Variants in ADAMTS9 observed in about 807,000 individuals in gnomAD.
ADAMTS9 encodes ADAM metallopeptidase with thrombospondin type 1 motif 9, also known as A disintegrin and metalloproteinase with thrombospondin motifs 9.
ADAMTS9 carries 107 observed loss-of-function variants against 257.1 expected under a neutral mutation model. The ratio of observed to expected loss-of-function variants is 0.42; its 90% confidence interval spans 0.36 to 0.49. The LOEUF (loss-of-function observed/expected upper bound fraction) is 0.49, where lower values mean the gene tolerates loss of function less well. ADAMTS9 is among the 20% of genes least tolerant of loss of function. The pLI, the probability that ADAMTS9 is intolerant of heterozygous loss-of-function variation, is 0.03. For synonymous variants in ADAMTS9, 982 were observed against 880.9 expected (o/e 1.11, Z -2.03); for missense variants, 2,353 against 2,469.1 (o/e 0.95, Z 1.00).
chr3:64,680,950 T>C (rs1252251028), intron 3 of ADAMTS9, among the ~76,000 whole-genome samples: 2 of 152,232 alleles, frequency 1.3e-5, no homozygotes, highest in Non-Finnish European at 2.9e-5. Context: ...ATAGAGGGCA[T>C]GGAGTCACTG....
At chr3:64,675,693 T>C (rs987029143) in intron 3 of ADAMTS9, among the ~76,000 whole-genome samples, 4 of 152,186 alleles carry the variant, frequency 2.6e-5, no homozygotes, top group African/African-American at 9.7e-5. Context: ...ATTTGGCCCA[T>C]AGTATAGCAC....
chr3:64,595,638 G>T lies in ADAMTS9; in HGVS notation c.4179+1192C>A, dbSNP rs567142355. On this transcript the variant is annotated intron_variant, in intron 27 of 39. Transcript: ENST00000498707. ...TTCCCTTTTCTTTCCCTTCAACAAA[G>T]CTCTCCAGAATGACATAACTGTCAA... is the stretch of plus-strand genomic sequence containing the variant. Among the ~76,000 whole-genome samples the T allele has an allele frequency of 2.6e-5, 4 of 152,190 alleles. 1 individual carries two copies. In the South Asian group the frequency reaches 8.3e-4, roughly 32 times the overall value.
intron 28 of ADAMTS9, among the ~76,000 whole-genome samples, chr3:64,581,942 T>C (rs113287169): frequency 3.4e-4 from 52 of 152,306 alleles, no homozygotes; most frequent in African/African-American, 1.3e-3. Context: ...CCTCTACCAA[T>C]AGATTTCTTC....
intron 2 of ADAMTS9, among the ~76,000 whole-genome samples, chr3:64,683,933 A>C (rs1033296259): frequency 6.6e-6 from 1 of 152,150 alleles, no homozygotes; most frequent in Admixed American, 6.5e-5. Flanking sequence ...GATGACATCA[A>C]CATGGGGAAC....
At chr3:64,653,061 A>C (rs1251987304) in intron 8 of ADAMTS9, among the ~76,000 whole-genome samples, 1 of 152,230 alleles carries the variant, frequency 6.6e-6, no homozygotes, top group African/African-American at 2.4e-5. Context: ...ATATTGCAAA[A>C]ATCTGAGACA....
At chr3:64,582,536 T>C (rs1480133270) in intron 28 of ADAMTS9, 1 of 152,164 alleles carries the variant, frequency 6.6e-6, no homozygotes, top group Admixed American at 6.5e-5. Flanking sequence ...AAAGAGAAAT[T>C]CTGCTGTGAG....
intron 28 of ADAMTS9, among the ~76,000 whole-genome samples, chr3:64,577,480 T>G (rs1022129781): frequency 2.6e-5 from 4 of 152,208 alleles, no homozygotes; most frequent in Admixed American, 1.3e-4. Context: ...ATGAAAGCCG[T>G]CTGGAAGACA....
At chr3:64,537,551 T>G (rs2083066485) in intron 37 of ADAMTS9, among the ~76,000 whole-genome samples, 1 of 152,060 alleles carries the variant, frequency 6.6e-6, no homozygotes, top group Non-Finnish European at 1.5e-5. Context: ...TCTAAAACGT[T>G]TAGCAATGCT....
rs2084322121 is a variant in ADAMTS9 at position 64,594,380 on chromosome 3, A to G, written c.4234T>C (p.Ser1412Pro). 1 of 1,613,968 alleles carries G rather than the reference A, an allele frequency of 6.2e-7. No individual in the cohort carries two copies. The highest frequency in any genetic ancestry group is 1.1e-5 in the South Asian group (1 of 91,086). ...IRTRLVVCQR[S>P]NGERFPDLSC... Reference sequence around the variant, plus strand: ...AAATCTGGAAACCGTTCACCGTTGGACCGCTGACAGACCACCAGTCTTGTT... The same window carrying G: ...AAATCTGGAAACCGTTCACCGTTGGGCCGCTGACAGACCACCAGTCTTGTT... The change falls in exon 28 of 40, where the codon TCC (serine) becomes CCC (proline). Residue 1412 changes from serine to proline, a missense_variant. Physicochemically the swap from Ser to Pro is moderately conservative, Grantham distance 74 (BLOSUM62 -1). This residue lies in a region of ADAMTS9 where 1,402 missense variants were observed against 1,441.4 expected (regional missense o/e 0.97). Transcript: ENST00000498707.
Position 64,678,486 on chromosome 3 carries a change from T to G in ADAMTS9, c.679+2715A>C, listed in dbSNP as rs1030007094. ...CCACTGATTCTTGCTTCATCACATT[T>G]GCCTGGGAGAGGGGTTAGTTTTGTT... is the stretch of plus-strand genomic sequence containing the variant. On this transcript the variant is annotated intron_variant, in intron 3 of 39. Transcript: ENST00000498707. Among the ~76,000 whole-genome samples, 5 of 152,344 alleles carry G rather than the reference T, an allele frequency of 3.3e-5. No homozygotes were observed. In the East Asian group the frequency reaches 5.8e-4, roughly 18 times the overall value.
intron 6 of ADAMTS9, 129 bp downstream of exon 6, chr3:64,655,447 C>T (rs1049195400): frequency 5.4e-6 from 4 of 736,878 alleles, no homozygotes; most frequent in African/African-American, 3.5e-5. Context: ...AGGAATTGTC[C>T]AGCCCAAAAT....
At chr3:64,631,705 G>A in intron 15 of ADAMTS9, 103 bp downstream of exon 15, 4 of 1,242,174 alleles carry the variant, frequency 3.2e-6, no homozygotes, top group Non-Finnish European at 4.7e-6. Context: ...TAACGAGACT[G>A]ATTTTTATGC....
At chr3:64,550,102 T>C (rs543863720) in intron 31 of ADAMTS9, 2 of 152,186 alleles carry the variant, frequency 1.3e-5, no homozygotes, top group Non-Finnish European at 2.9e-5. Flanking sequence ...AGATCTCTCA[T>C]ACAGATATGA....
chr3:64,646,969 A>T (rs1193123694), intron 11 of ADAMTS9, among the ~76,000 whole-genome samples: 2 of 152,184 alleles, frequency 1.3e-5, no homozygotes, highest in Non-Finnish European at 2.9e-5. Context: ...AAGTTCCATC[A>T]TCTCTTAGGA....
intron 19 of ADAMTS9, among the ~76,000 whole-genome samples, chr3:64,619,638 T>A (rs1304725930): frequency 6.6e-6 from 1 of 152,104 alleles, no homozygotes; most frequent in African/African-American, 2.4e-5. Context: ...ATAAGAACAA[T>A]CCTATTAGTA....
intron 16 of ADAMTS9, among the ~76,000 whole-genome samples, chr3:64,630,136 C>A (rs2106887144): frequency 6.6e-6 from 1 of 152,334 alleles, no homozygotes; most frequent in African/African-American, 2.4e-5. Flanking sequence ...AGCCATGCGG[C>A]TGGGAAGAGT....
intron 3 of ADAMTS9, among the ~76,000 whole-genome samples, chr3:64,679,679 G>A (rs755279135): frequency 7.2e-5 from 11 of 152,006 alleles, no homozygotes; most frequent in Admixed American, 1.3e-4. Context: ...ATGGAAGGAG[G>A]GGAACTGCAG....
intron 3 of ADAMTS9, among the ~76,000 whole-genome samples, chr3:64,675,513 G>A (rs1314900742): frequency 6.6e-6 from 1 of 152,076 alleles, no homozygotes; most frequent in African/African-American, 2.4e-5. Context: ...TGGCTACTTG[G>A]GAGGCTGAGG....
In ADAMTS9 at chr3:64,551,227, T is replaced by C. The variant is rs572157368; in HGVS notation, c.4699-165A>G. On this transcript the variant is annotated intron_variant, in intron 30 of 39. Transcript: ENST00000498707. ...TTTGTTTTTTTGGTTTTATTTTTTT[T>C]GAGATGGAGTCTTGCTCTGTCTCCC... Among the ~76,000 whole-genome samples the C allele has an allele frequency of 4.6e-5, 7 of 152,306 alleles. No individual in the cohort carries two copies. The South Asian group carries it at 6.2e-4, about 14-fold the overall frequency.
Sources: allele counts gnomAD v4.1 joint callset (sites outside exome capture counted in the v4.1 genomes callset), GRCh38; gene constraint gnomAD v4.1.1; regional missense constraint gnomAD v4.1.1; transcripts MANE v1.5; gene names NCBI Gene and HGNC (gene_info 2026-07-23, HGNC 2026-07-21).